BAZ1A: variants seen among roughly 807,000 people sequenced by gnomAD.
The protein encoded by BAZ1A is bromodomain adjacent to zinc finger domain protein 1A.
A neutral mutation model predicts 185.2 loss-of-function variants in BAZ1A; 50 were observed. The observed-to-expected ratio is 0.27, with a 90% CI of 0.22 to 0.34. BAZ1A has a LOEUF of 0.34. Among genes scored for constraint, BAZ1A ranks in the 10% least tolerant of loss-of-function variants. BAZ1A has a pLI of 1.00. For missense variants in BAZ1A, 1,356 were observed against 1,839.9 expected, an observed-to-expected ratio of 0.74 and a Z score of 4.81; for synonymous variants, 571 against 615.6, an observed-to-expected ratio of 0.93 and a Z score of 1.07.
intron 2 of BAZ1A, among the ~76,000 whole-genome samples, 184 bp from the exon 3 acceptor site, chr14:34,862,506 G>C (rs905262129): frequency 6.6e-6 from 1 of 152,008 alleles, no homozygotes; most frequent in Non-Finnish European, 1.5e-5. Context: ...ATAAGAAAAA[G>C]TATATTTAAA....
At chr14:34,866,065 A>G (rs1248417278) in intron 2 of BAZ1A, among the ~76,000 whole-genome samples, 1 of 152,122 alleles carries the variant, frequency 6.6e-6, no homozygotes, top group Non-Finnish European at 1.5e-5. Flanking sequence ...GCGCACATCT[A>G]TAGTCCTTGC....
intron 3 of BAZ1A, among the ~76,000 whole-genome samples, chr14:34,856,433 G>A (rs936932528): frequency 2.0e-5 from 3 of 151,988 alleles, no homozygotes; most frequent in African/African-American, 4.8e-5. Flanking sequence ...ACAGGCACAT[G>A]CCATCATGCC....
intron 23 of BAZ1A, among the ~76,000 whole-genome samples, chr14:34,763,017 C>T (rs978438136): frequency 6.6e-6 from 1 of 152,140 alleles, no homozygotes; most frequent in African/African-American, 2.4e-5. Context: ...ATGAAGTGGG[C>T]CTTGAACCCG....
At chr14:34,829,349 T>C (rs2138724071) in intron 3 of BAZ1A, among the ~76,000 whole-genome samples, 1 of 149,220 alleles carries the variant, frequency 6.7e-6, no homozygotes, top group South Asian at 2.1e-4. Flanking sequence ...ATCCTACAAC[T>C]GCATGCACCC....
rs891555911 is a variant in BAZ1A at position 34,874,660 on chromosome 14, T to C, written c.-56A>G. The C allele has an allele frequency of 1.2e-5, 17 of 1,466,254 alleles. No individual in the cohort carries two copies. The highest frequency in any genetic ancestry group is 2.9e-5 in the African/African-American group (2 of 69,028). The allele number at this position is 1,466,254 out of a possible 1,614,324, so 90.8% of individuals were successfully genotyped here. On this transcript the variant is annotated splice_region_variant and 5_prime_UTR_variant, in exon 2 of 27. Coordinates refer to ENST00000360310, the MANE Select transcript of BAZ1A (RefSeq NM_013448.3). The surrounding 1 kb of genome is among the most constrained non-coding windows in gnomAD (Gnocchi z 4.7). ...CTCGGCCGCCCGCGCCGGCCCCGCT[T>C]CCCTATCAAAATTGGAGGGAAAGGA...
chr14:34,786,242 T>G, intron 12 of BAZ1A, 21 bp from the exon 13 acceptor site: 1 of 1,584,506 alleles, frequency 6.3e-7, no homozygotes, highest in South Asian at 1.2e-5. Flanking sequence ...ATAAATACTT[T>G]ATTCTAGTGC....
intron 4 of BAZ1A, among the ~76,000 whole-genome samples, chr14:34,820,136 T>TTTG (rs2042066410): frequency 6.8e-6 from 1 of 146,120 alleles, no homozygotes; most frequent in Non-Finnish European, 1.5e-5. Flanking sequence ...TTTTTTTTTT[T>TTTG]TTTTTTTTTG....
intron 17 of BAZ1A, 65 bp downstream of exon 17, chr14:34,780,117 GAATT>G: frequency 6.4e-7 from 1 of 1,568,574 alleles, no homozygotes; most frequent in Non-Finnish European, 8.7e-7. Flanking sequence ...CAGAGGAGCT[GAATT>G]AATAAAGTGC....
intron 9 of BAZ1A, 45 bp downstream of exon 9, chr14:34,800,179 T>C: frequency 7.9e-7 from 1 of 1,264,756 alleles, no homozygotes. Flanking sequence ...TGTAAAGTAG[T>C]ATTACTATAT....
chr14:34,782,939 G>A (rs923507587), intron 16 of BAZ1A, among the ~76,000 whole-genome samples, 180 bp downstream of exon 16: 5 of 152,122 alleles, frequency 3.3e-5, no homozygotes, highest in Non-Finnish European at 5.9e-5. Context: ...ATTGGTGGAG[G>A]GGACAGATAA....
rs1886541119 is a variant in BAZ1A at position 34,761,958 on chromosome 14, A to G, written c.4042T>C (p.Phe1348Leu). The G allele has an allele frequency of 3.1e-6, 5 of 1,614,182 alleles. No homozygotes were observed. The highest frequency in any genetic ancestry group is 4.2e-6 in the Non-Finnish European group (5 of 1,180,034). ...CTACGAGGACTAAGCAATTCCACAA[A>G]TACATCTGCTTGCAGTGGGCCATGA... ...HSHGPLQADVFVELLSPRRKR... is the reference protein window; with the variant it reads ...HSHGPLQADVLVELLSPRRKR... The change falls in exon 24 of 27, where the codon TTT becomes CTT. Residue 1348 changes from phenylalanine to leucine, a missense_variant. Physicochemically the swap from Phe to Leu is conservative, Grantham distance 22 (BLOSUM62 0). This residue lies in a region of BAZ1A where 309 missense variants were observed against 355.3 expected (regional missense o/e 0.87). Transcript: ENST00000360310.
intron 4 of BAZ1A, among the ~76,000 whole-genome samples, chr14:34,811,335 G>A (rs1226831580): frequency 1.3e-5 from 2 of 152,076 alleles, no homozygotes; most frequent in Non-Finnish European, 2.9e-5. Flanking sequence ...TAGAGGTAGC[G>A]TTTCACCATT....
At chr14:34,837,569 A>G (rs182129340) in intron 3 of BAZ1A, among the ~76,000 whole-genome samples, 1 of 152,288 alleles carries the variant, frequency 6.6e-6, no homozygotes, top group African/African-American at 2.4e-5. Flanking sequence ...AATTCTAGAC[A>G]CAAAATCCAT....
intron 15 of BAZ1A, among the ~76,000 whole-genome samples, chr14:34,783,467 C>A (rs565004119): frequency 6.7e-5 from 10 of 149,578 alleles, no homozygotes; most frequent in Admixed American, 3.4e-4. Flanking sequence ...TCCTGAGTAG[C>A]TGGGATTACA....
chr14:34,752,845 TTTGA>T lies in BAZ1A; in HGVS notation c.*659_*662del, dbSNP rs1379807478. Reference sequence around the variant, plus strand: ...AGGAAAAAGGGAGGGTGTTACTTTTTTTGATTGATCATTAAGGAAGTTAGAGGAA... The same window carrying T: ...AGGAAAAAGGGAGGGTGTTACTTTTTTTGATCATTAAGGAAGTTAGAGGAA... On this transcript the variant is annotated 3_prime_UTR_variant, in exon 27 of 27. Transcript: ENST00000360310. The T allele has an allele frequency of 6.6e-6, 1 of 152,268 alleles. No individual in the cohort carries two copies. The highest frequency in any genetic ancestry group is 6.5e-5 in the Admixed American group (1 of 15,270). The allele number at this position is 152,268 out of a possible 1,614,324, so 9.4% of individuals were successfully genotyped here.
At chr14:34,830,591 T>C (rs1242205145) in intron 3 of BAZ1A, among the ~76,000 whole-genome samples, 1 of 152,062 alleles carries the variant, frequency 6.6e-6, no homozygotes, top group East Asian at 1.9e-4. Flanking sequence ...CTTTTCTTTC[T>C]GAGATTTTGA....
At chr14:34,794,956 A>C in intron 10 of BAZ1A, 69 bp from the exon 11 acceptor site, 2 of 1,567,956 alleles carry the variant, frequency 1.3e-6, no homozygotes, top group Non-Finnish European at 1.7e-6. Context: ...CAGAGATGAC[A>C]TACTTTTTAC....
chr14:34,836,407 A>G (rs960534124), intron 3 of BAZ1A, among the ~76,000 whole-genome samples: 1 of 21,544 alleles, frequency 4.6e-5, no homozygotes, highest in Non-Finnish European at 1.3e-4. Context: ...AAAAAAAAAA[A>G]AAAAAAAAAA....
intron 23 of BAZ1A, among the ~76,000 whole-genome samples, chr14:34,764,108 G>A (rs1021847430): frequency 6.6e-6 from 1 of 152,006 alleles, no homozygotes; most frequent in African/African-American, 2.4e-5. Context: ...TAGTTATATG[G>A]TAGTATAGAA....
Sources: gnomAD v4.1 joint callset for allele counts (sites outside exome capture counted in the v4.1 genomes callset) on GRCh38, gnomAD v4.1.1 for gene constraint, gnomAD v4.1.1 regional missense constraint, Gnocchi (gnomAD v3.1) non-coding constraint, MANE v1.5 for transcripts, NCBI Gene and HGNC (gene_info 2026-07-23, HGNC 2026-07-21) for gene names.